TICRR: variants seen among roughly 807,000 people sequenced by gnomAD.
TICRR encodes TOPBP1 interacting checkpoint and replication regulator, also known as treslin.
In TICRR, 132 loss-of-function variants were observed where a neutral mutation model predicts 178.1. The observed-to-expected ratio is 0.74, with a 90% CI of 0.64 to 0.86. TICRR has a LOEUF of 0.86. Ranked by LOEUF, TICRR falls within the 40% of genes least tolerant of loss-of-function variation. The probability of loss-of-function intolerance (pLI) is 0.00; values close to 1 mark genes in which losing one functional copy is unlikely to be tolerated. For synonymous variants in TICRR, 991 were observed against 900.7 expected, an observed-to-expected ratio of 1.10 and a Z score of -1.79; for missense variants, 2,587 against 2,334.3, an observed-to-expected ratio of 1.11 and a Z score of -2.23.
chr15:89,618,343 T>C, intron 17 of TICRR, 133 bp downstream of exon 17: 1 of 779,768 alleles, frequency 1.3e-6, no homozygotes, highest in Non-Finnish European at 2.2e-6. Flanking sequence ...ACAATGCAGC[T>C]CAGTAAATAT....
At chr15:89,597,344 TG>T (rs930475909) in intron 7 of TICRR, among the ~76,000 whole-genome samples, 2 of 151,930 alleles carry the variant, frequency 1.3e-5, no homozygotes, top group African/African-American at 4.8e-5. Flanking sequence ...GCCAGCATGG[TG>T]AAACCCTGTC....
In TICRR at chr15:89,623,742, A is replaced by C; in HGVS notation, c.3432A>C (p.Lys1144Asn). Residue 1144 changes from lysine (K) to asparagine (N), a missense_variant, in exon 20 of 22, where the codon AAA (lysine) becomes AAC (asparagine). Physicochemically the swap from Lys to Asn is moderately conservative, Grantham distance 94. Coordinates refer to ENST00000268138, the MANE Select transcript of TICRR (RefSeq NM_152259.4). ...TPERLQKSPA[K>N]MTPTKQAAFK... ...AAAGGCTGCAGAAGTCCCCTGCAAA[A>C]ATGACCCCTACAAAGCAGGCAGCTT... The C allele has an allele frequency of 6.2e-7, 1 of 1,614,054 alleles. No individual in the cohort carries two copies.
Position 89,619,844 on chromosome 15 carries a change from T to A in TICRR, c.3154+2T>A. The A allele has an allele frequency of 1.2e-6, 2 of 1,608,144 alleles. No individual in the cohort carries two copies. Among genetic ancestry groups the A allele is most frequent in the Non-Finnish European group, 1.7e-6 (2 of 1,178,236 alleles). The stretch of plus-strand genomic sequence containing the variant: ...ACTCTTTCCAGCAAGATAAGTCAGG[T>A]AACATACGGGCCCCTCTGCCTTCAC... On this transcript the variant is annotated splice_donor_variant, in intron 18 of 21. Transcript: ENST00000268138. LOFTEE classifies it high-confidence loss of function.
rs750730134 is a variant in TICRR, at chr15:89,601,555, G to C, written c.2314G>C (p.Glu772Gln). ...AGCGTACCTAGCAGAGTTTCTGGAG[G>C]AAATTTTGAGATTGTAAGTTTGATG... ...DSAYLAEFLE[E>Q]ILRLYIDSIP... The change falls in exon 11 of 22, where the codon GAA (glutamate) becomes CAA (glutamine). Residue 772 changes from glutamate to glutamine, a missense_variant. By Grantham distance (29) the Glu-to-Gln change is conservative. Transcript: ENST00000268138. 6.1e-5 allele frequency: 99 copies of C among 1,614,034 alleles called. No individual in the cohort carries two copies. Among genetic ancestry groups the C allele is most frequent in the Non-Finnish European group, 8.1e-5 (96 of 1,180,014 alleles).
rs766104969 is a variant in TICRR at position 89,608,907 on chromosome 15, G to A, written c.2827G>A (p.Asp943Asn). The A allele has an allele frequency of 6.2e-7, 1 of 1,611,146 alleles. No individual in the cohort carries two copies. Among genetic ancestry groups the A allele is most frequent in the South Asian group, 1.1e-5 (1 of 90,504 alleles). Residue 943 changes from aspartate to asparagine, a missense_variant, in exon 15 of 22, where the codon GAT becomes AAT. Physicochemically the swap from Asp to Asn is conservative, Grantham distance 23 (BLOSUM62 1). Coordinates refer to ENST00000268138, the MANE Select transcript of TICRR (RefSeq NM_152259.4). ...TAGAAGCCATTCTGTGTCAGCTGTG[G>A]ATGGTCTAGAGGATAAACTTGACAA... ...LPRSHSVSAVDGLEDKLDNFK... is the reference protein window; with the variant it reads ...LPRSHSVSAVNGLEDKLDNFK...
rs35042759 is a variant in TICRR, at chr15:89,600,705, T to TA, written c.2153+26dup. 11,476 of 1,188,696 alleles carry TA rather than the reference T, an allele frequency of 9.7e-3. 810 individuals are homozygous for TA. The African/African-American group carries it at 0.15, about 16-fold the overall frequency. 73.6% of individuals were successfully genotyped at this position (1,188,696 alleles called of 1,614,324 possible). A position where few individuals can be genotyped will look rare whatever the true frequency, so the allele number is the denominator to read the frequency against. ...TAGAGAGTAAGTAACTACCATTTTTTAAAAAATCATCACTCTAAAAGCTGT... is the reference window on the plus strand; with the variant it reads ...TAGAGAGTAAGTAACTACCATTTTTTAAAAAAATCATCACTCTAAAAGCTGT... On this transcript the variant is annotated intron_variant, in intron 9 of 21. Coordinates refer to ENST00000268138, the MANE Select transcript of TICRR (RefSeq NM_152259.4).
rs71151513 is a variant in TICRR at position 89,577,599 on chromosome 15, C to CTTTTT, written c.654+1382_654+1386dup. Among the ~76,000 whole-genome samples the CTTTTT allele has an allele frequency of 6.9e-4, 42 of 60,874 alleles. 6 individuals carry two copies. Among genetic ancestry groups the CTTTTT allele is most frequent in the African/African-American group, 2.2e-3 (28 of 12,958 alleles). The allele number at this position is 60,874 out of a possible 152,430, so 39.9% of individuals were successfully genotyped here. A position where few individuals can be genotyped will look rare whatever the true frequency, so the allele number is the denominator to read the frequency against. ...ATACAGAGTGGTAGTGAGGGAAGGC[C>CTTTTT]TTTTTTTTTTTTTTTTTTTTTTTTT... On this transcript the variant is annotated intron_variant, in intron 1 of 21. Coordinates refer to ENST00000268138, the MANE Select transcript of TICRR (RefSeq NM_152259.4).
At position 89,624,847 on chromosome 15, in the gene TICRR, T is replaced by C. The variant is rs1334151753; in HGVS notation, c.4537T>C (p.Cys1513Arg). 1.9e-6 allele frequency: 3 copies of C among 1,614,198 alleles called. No individual in the cohort carries two copies. The highest frequency in any genetic ancestry group is 1.1e-5 in the South Asian group (1 of 91,086). The part of the protein sequence containing the change: ...HPGIPPSPPS[C>R]GPGSPLMPSR... ...TGGGATTCCCCCATCTCCTCCTTCC[T>C]GTGGGCCTGGCTCTCCTCTGATGCC... Residue 1513 changes from cysteine (C) to arginine (R), a missense_variant, in exon 20 of 22, where the codon TGT (cysteine) becomes CGT (arginine). Coordinates refer to ENST00000268138, the MANE Select transcript of TICRR (RefSeq NM_152259.4).
In TICRR at chr15:89,594,422, C is replaced by T. The variant is rs933838024; in HGVS notation, c.1549C>T (p.Gln517Ter). The change falls in exon 6 of 22, where the codon CAG becomes TAG. Residue 517 changes from glutamine (Q) to a stop codon, truncating the protein, a stop_gained. Transcript: ENST00000268138. LOFTEE classifies it high-confidence loss of function. ...SDLMESFGLL[Q>*]AASANKEESS... ...GACATCTTGACTTCACAGGTTACTA[C>T]AGGCTGCCTCAGCTAATAAGGAAGA... 6.2e-7 allele frequency: 1 copy of T among 1,610,724 alleles called. No homozygotes were observed. Among genetic ancestry groups the T allele is most frequent in the Non-Finnish European group, 8.5e-7 (1 of 1,178,606 alleles).
chr15:89,627,165 C>G lies in TICRR; in HGVS notation c.*79C>G. On this transcript the variant is annotated 3_prime_UTR_variant, in exon 22 of 22. Transcript: ENST00000268138. Reference sequence around the variant, plus strand: ...CATAAAGAAGTTGGATGCCTGGTCCCAAGCCTCTTTTGCCATGGTCAGTGT... The same window carrying G: ...CATAAAGAAGTTGGATGCCTGGTCCGAAGCCTCTTTTGCCATGGTCAGTGT... The G allele has an allele frequency of 6.4e-7, 1 of 1,565,488 alleles. No individual in the cohort carries two copies. Among genetic ancestry groups the G allele is most frequent in the Non-Finnish European group, 8.7e-7 (1 of 1,146,140 alleles).
rs551579638 is a variant in TICRR at position 89,624,442 on chromosome 15, C to A, written c.4132C>A (p.Pro1378Thr). ...ATLDTVPPPP[P>T]SKVGKRCRKT... is the part of the protein sequence containing the mutation. ...ATTGGACACCGTCCCTCCTCCACCC[C>A]CTTCTAAAGTTGGGAAACGGTGTAG... The change falls in exon 20 of 22, where the codon CCT (proline) becomes ACT (threonine). Residue 1378 changes from proline to threonine, a missense_variant. Pro to Thr is a conservative substitution (Grantham distance 38). Transcript: ENST00000268138. 8.1e-6 allele frequency: 13 copies of A among 1,614,194 alleles called. 1 individual carries two copies. The highest frequency in any genetic ancestry group is 5.5e-5 in the South Asian group (5 of 91,086).
At chr15:89,603,522 C>G (rs1963129281) in intron 13 of TICRR, among the ~76,000 whole-genome samples, 2 of 152,212 alleles carry the variant, frequency 1.3e-5, no homozygotes, top group South Asian at 4.1e-4. Context: ...TAGGTCAAAG[C>G]TGCAATGAGC....
intron 21 of TICRR, 81 bp from the exon 22 acceptor site, chr15:89,626,875 A>C (rs143736923): frequency 6.8e-7 from 1 of 1,475,860 alleles, no homozygotes; most frequent in African/African-American, 1.4e-5. Flanking sequence ...TTTTGTGTGT[A>C]ACCCTCTGCA....
At chr15:89,623,229 G>A (rs1019084564) in intron 19 of TICRR, among the ~76,000 whole-genome samples, 42 of 152,230 alleles carry the variant, frequency 2.8e-4, no homozygotes, top group African/African-American at 9.9e-4. Context: ...GTTGAATGAG[G>A]GTGAGCAGCA....
chr15:89,581,660 T>TA (rs1962728044), intron 1 of TICRR, among the ~76,000 whole-genome samples: 1 of 151,934 alleles, frequency 6.6e-6, no homozygotes, highest in African/African-American at 2.4e-5. Context: ...GGATGAGGGG[T>TA]AGAAGATAAT....
intron 7 of TICRR, among the ~76,000 whole-genome samples, chr15:89,596,394 T>C (rs1235511375): frequency 6.6e-6 from 1 of 152,190 alleles, no homozygotes; most frequent in African/African-American, 2.4e-5. Context: ...TTGCCCAGGC[T>C]GGAGTGCACT....
At chr15:89,625,816 C>T (rs775524338) in intron 20 of TICRR, 30 bp downstream of exon 20, 2 of 1,576,560 alleles carry the variant, frequency 1.3e-6, no homozygotes, top group Non-Finnish European at 1.7e-6. Context: ...CCAGTTTCCT[C>T]ATGGTTTCTT....
chr15:89,627,044 T>C lies in TICRR; in HGVS notation c.5691T>C (p.Tyr1897=), dbSNP rs149952329. The C allele has an allele frequency of 5.0e-5, 80 of 1,614,044 alleles. No individual in the cohort carries two copies. The highest frequency in any genetic ancestry group is 1.1e-4 in the African/African-American group (8 of 74,920). Residue 1897 remains tyrosine, a synonymous_variant, in exon 22 of 22, where the codon TAT becomes TAC. Coordinates refer to ENST00000268138, the MANE Select transcript of TICRR (RefSeq NM_152259.4). ...FSRRRPISRT[Y]TRKKLMGTWL... The stretch of plus-strand genomic sequence containing the variant: ...GGAGGCGCCCCATCAGCAGAACTTA[T>C]ACACGGAAGAAGCTCATGGGAACCT...
chr15:89,593,041 A>G (rs1373111037), intron 5 of TICRR, among the ~76,000 whole-genome samples: 2 of 152,226 alleles, frequency 1.3e-5, no homozygotes, highest in African/African-American at 4.8e-5. Flanking sequence ...TCACTAAATC[A>G]GGTAGTGTAA....
Sources: allele counts gnomAD v4.1 joint callset (sites outside exome capture counted in the v4.1 genomes callset), GRCh38; gene constraint gnomAD v4.1.1; transcripts MANE v1.5; gene names NCBI Gene and HGNC (gene_info 2026-07-23, HGNC 2026-07-21).